The following CTTNBP2NL variants were observed in gnomAD, a reference collection of about 807,000 sequenced individuals.
CTTNBP2NL encodes the protein CTTNBP2 N-terminal like, also known as CTTNBP2 N-terminal-like protein.
A neutral mutation model predicts 32.5 loss-of-function variants in CTTNBP2NL; 16 were observed. That is an observed-to-expected ratio of 0.49 (90% CI 0.33 to 0.75). The LOEUF is 0.75. Among genes scored for constraint, CTTNBP2NL ranks in the 30% least tolerant of loss-of-function variants. The pLI is 0.02. For synonymous variants in CTTNBP2NL, 298 were observed against 289.4 expected (o/e 1.03, Z -0.30); for missense variants, 645 against 756.0 (o/e 0.85, Z 1.72).
At chr1:112,411,704 A>T (rs1198446985) in intron 1 of CTTNBP2NL, among the ~76,000 whole-genome samples, 11 of 146,778 alleles carry the variant, frequency 7.5e-5, no homozygotes, top group Admixed American at 2.1e-4. Flanking sequence ...TTTTTTTGAG[A>T]TGGAGTCTTG....
chr1:112,425,666 C>A (rs1052880419), intron 3 of CTTNBP2NL, among the ~76,000 whole-genome samples: 1 of 150,762 alleles, frequency 6.6e-6, no homozygotes, highest in African/African-American at 2.4e-5. Flanking sequence ...GAGTTCAAGA[C>A]CAGCATGGGC....
At position 112,460,212 on chromosome 1, in the gene CTTNBP2NL, TTA is replaced by T. The variant is rs1650510019; in HGVS notation, c.*2801_*2802del. ...GTCTTCATTTTTATAGCAGACTGCA[TTA>T]AAACAAGTTAAATCTTGCTGTTTGG... On this transcript the variant is annotated 3_prime_UTR_variant, in exon 6 of 6. Transcript: ENST00000271277. The T allele has an allele frequency of 6.6e-6, 1 of 152,240 alleles. No individual in the cohort carries two copies. The highest frequency in any genetic ancestry group is 1.5e-5 in the Non-Finnish European group (1 of 68,044). 9.4% of individuals were successfully genotyped at this position (152,240 alleles called of 1,614,324 possible). A position where few individuals can be genotyped will look rare whatever the true frequency, so the allele number is the denominator to read the frequency against.
chr1:112,396,064 G>T (rs991417520), upstream of CTTNBP2NL: 2 of 152,282 alleles, frequency 1.3e-5, no homozygotes, highest in Non-Finnish European at 2.9e-5. Context: ...AAACAAAAGG[G>T]ATCTTGGGGC....
At chr1:112,434,014 G>C (rs1451793938) in intron 3 of CTTNBP2NL, among the ~76,000 whole-genome samples, 2 of 151,822 alleles carry the variant, frequency 1.3e-5, no homozygotes, top group African/African-American at 4.8e-5. Flanking sequence ...CACCATGCCT[G>C]GCCTCCTGTG....
chr1:112,461,067 A>G lies in CTTNBP2NL; in HGVS notation c.*3655A>G, dbSNP rs985960994. On this transcript the variant is annotated 3_prime_UTR_variant, in exon 6 of 6. Transcript: ENST00000271277. ...GTTCCACAGGAATAATTTTTAATTTAATTTCTATAAAACTAGTTGAGAAAT... is the reference window on the plus strand; with the variant it reads ...GTTCCACAGGAATAATTTTTAATTTGATTTCTATAAAACTAGTTGAGAAAT... 6.6e-6 allele frequency: 1 copy of G among 152,186 alleles called. No individual in the cohort carries two copies. Among genetic ancestry groups the G allele is most frequent in the African/African-American group, 2.4e-5 (1 of 41,436 alleles). The allele number at this position is 152,186 out of a possible 1,614,324, so 9.4% of individuals were successfully genotyped here.
intron 1 of CTTNBP2NL, among the ~76,000 whole-genome samples, 153 bp from the exon 2 acceptor site, chr1:112,412,041 C>A (rs1257863972): frequency 6.6e-6 from 1 of 152,174 alleles, no homozygotes; most frequent in African/African-American, 2.4e-5. Flanking sequence ...TATTATTCAA[C>A]TTCAACTTGA....
chr1:112,407,105 T>C (rs952206438), intron 1 of CTTNBP2NL, among the ~76,000 whole-genome samples: 1 of 152,232 alleles, frequency 6.6e-6, no homozygotes, highest in East Asian at 1.9e-4. Context: ...TATATAATGC[T>C]GTCTATAATA....
intron 3 of CTTNBP2NL, among the ~76,000 whole-genome samples, chr1:112,429,361 G>A (rs1649492569): frequency 6.6e-6 from 1 of 152,142 alleles, no homozygotes; most frequent in South Asian, 2.1e-4. Context: ...ATTTAAAAAT[G>A]CAGAGCCAGG....
chr1:112,395,980 C>A (rs564276187), upstream of CTTNBP2NL, among the ~76,000 whole-genome samples: 18 of 152,244 alleles, frequency 1.2e-4, no homozygotes, highest in Non-Finnish European at 2.2e-4. Context: ...CGCGAGCCCA[C>A]CCTGAAGCCC....
chr1:112,414,042 C>G (rs1648979124), intron 2 of CTTNBP2NL, among the ~76,000 whole-genome samples: 1 of 151,604 alleles, frequency 6.6e-6, no homozygotes, highest in African/African-American at 2.4e-5. Flanking sequence ...GAGCAAAACT[C>G]TGTCTCAAAA....
rs895617702 is a variant in CTTNBP2NL at position 112,455,979 on chromosome 1, A to C, written c.487A>C (p.Lys163Gln). The C allele has an allele frequency of 7.5e-6, 12 of 1,602,828 alleles. No individual in the cohort carries two copies. Among genetic ancestry groups the C allele is most frequent in the African/African-American group, 5.4e-5 (4 of 74,168 alleles). ...QVKKFEKEQK[K>Q]LSSQLEEERS... Reference sequence around the variant, plus strand: ...GAAAAAGTTTGAAAAAGAACAGAAGAAGCTCTCTAGTCAGCTGGAAGAGGA... The same window carrying C: ...GAAAAAGTTTGAAAAAGAACAGAAGCAGCTCTCTAGTCAGCTGGAAGAGGA... Residue 163 changes from lysine (K) to glutamine (Q), a missense_variant, in exon 6 of 6, where the codon AAG becomes CAG. By Grantham distance (53) the Lys-to-Gln change is moderately conservative. Transcript: ENST00000271277.
intron 4 of CTTNBP2NL, among the ~76,000 whole-genome samples, chr1:112,450,280 A>G (rs920926950): frequency 4.6e-5 from 7 of 152,200 alleles, no homozygotes; most frequent in Admixed American, 2.6e-4. Context: ...TAGGCCTCAG[A>G]TGTTCCACAG....
Position 112,416,417 on chromosome 1 carries a change from G to A in CTTNBP2NL, c.99+153G>A, listed in dbSNP as rs964749771. 1.1e-5 allele frequency: 6 copies of A among 533,992 alleles called. No homozygotes were observed. In the South Asian group the frequency reaches 1.5e-4, roughly 13 times the overall value. The allele number at this position is 533,992 out of a possible 1,614,324, so 33.1% of individuals were successfully genotyped here. On this transcript the variant is annotated intron_variant, in intron 3 of 5. Coordinates refer to ENST00000271277, the MANE Select transcript of CTTNBP2NL (RefSeq NM_018704.3). ...CCATAGGTAGCCACCTACATTGTGTGTTATTAGGGACACTGGTGAAACCTT... is the reference window on the plus strand; with the variant it reads ...CCATAGGTAGCCACCTACATTGTGTATTATTAGGGACACTGGTGAAACCTT...
chr1:112,394,834 C>T (rs984669550), upstream of CTTNBP2NL, among the ~76,000 whole-genome samples: 10 of 152,196 alleles, frequency 6.6e-5, no homozygotes, highest in East Asian at 3.8e-4. Context: ...CATTTACTAG[C>T]TCTATGACTT....
chr1:112,440,443 C>A (rs1182924002), intron 3 of CTTNBP2NL, among the ~76,000 whole-genome samples: 3 of 152,162 alleles, frequency 2.0e-5, no homozygotes, highest in Non-Finnish European at 4.4e-5. Flanking sequence ...TCATTCCATT[C>A]TAGTGTTTCT....
chr1:112,394,145 G>A (rs567150637), upstream of CTTNBP2NL, among the ~76,000 whole-genome samples: 1 of 151,128 alleles, frequency 6.6e-6, no homozygotes, highest in South Asian at 2.1e-4. Flanking sequence ...GGCGGAGGTT[G>A]TAGTGAGAGA....
intron 2 of CTTNBP2NL, among the ~76,000 whole-genome samples, chr1:112,413,964 C>T (rs912234555): frequency 3.3e-5 from 5 of 152,070 alleles, no homozygotes; most frequent in Non-Finnish European, 5.9e-5. Flanking sequence ...AGGAGAATCG[C>T]TGGAACCCGG....
At chr1:112,426,224 C>T (rs1407069768) in intron 3 of CTTNBP2NL, among the ~76,000 whole-genome samples, 1 of 151,930 alleles carries the variant, frequency 6.6e-6, no homozygotes, top group African/African-American at 2.4e-5. Flanking sequence ...TTTCTGTACC[C>T]ATTAAAAGCA....
intron 1 of CTTNBP2NL, among the ~76,000 whole-genome samples, chr1:112,411,319 T>A (rs966746600): frequency 6.6e-6 from 1 of 152,240 alleles, no homozygotes; most frequent in Non-Finnish European, 1.5e-5. Flanking sequence ...AGGCAAAGAT[T>A]ACATTTTATC....
Sources: gnomAD v4.1 joint callset for allele counts (sites outside exome capture counted in the v4.1 genomes callset) on GRCh38, gnomAD v4.1.1 for gene constraint, MANE v1.5 for transcripts, NCBI Gene and HGNC (gene_info 2026-07-23, HGNC 2026-07-21) for gene names.